Variants in TEX9 observed in about 807,000 individuals in gnomAD.
TEX9 encodes the protein testis expressed 9.
A neutral mutation model predicts 59.6 loss-of-function variants in TEX9; 74 were observed. The observed-to-expected ratio is 1.24, with a 90% CI of 1.03 to 1.51. The LOEUF is 1.51. TEX9 is among the 40% of genes most tolerant of loss of function. The probability of loss-of-function intolerance (pLI) is 0.00; values close to 1 mark genes in which losing one functional copy is unlikely to be tolerated. For synonymous variants in TEX9, 186 were observed against 152.2 expected (o/e 1.22, Z -1.64); for missense variants, 522 against 447.8 (o/e 1.17, Z -1.49).
chr15:56,342,893 T>C (rs564336469), intron 1 of TEX9, among the ~76,000 whole-genome samples: 2 of 152,298 alleles, frequency 1.3e-5, no homozygotes, highest in South Asian at 2.1e-4. Flanking sequence ...CCAAACATTG[T>C]TAGCCAGATG....
intron 1 of TEX9, among the ~76,000 whole-genome samples, chr15:56,324,667 A>T (rs1038151552): frequency 6.6e-6 from 1 of 152,210 alleles, no homozygotes; most frequent in African/African-American, 2.4e-5. Context: ...ACCCTTTGGA[A>T]TGGTGCTCTA....
chr15:56,383,993 A>G (rs1463466691), exon 4 of TEX9: 20 of 1,612,664 alleles, frequency 1.2e-5, no homozygotes, highest in Non-Finnish European at 1.5e-5. Flanking sequence ...TTTCAACACA[A>G]ATGAAATCAT....
At chr15:56,266,855 T>C (rs1452525501) in intron 1 of TEX9, among the ~76,000 whole-genome samples, 1 of 152,246 alleles carries the variant, frequency 6.6e-6, no homozygotes, top group East Asian at 1.9e-4. Flanking sequence ...AATGGATGGC[T>C]GGGTCAGATG....
chr15:56,431,058 G>A (rs1212465026), intron 12 of TEX9, among the ~76,000 whole-genome samples: 1 of 152,162 alleles, frequency 6.6e-6, no homozygotes, highest in Non-Finnish European at 1.5e-5. Context: ...CTACTCAGGA[G>A]GCTGAAGCAG....
chr15:56,304,980 A>G (rs776938847), intron 1 of TEX9, among the ~76,000 whole-genome samples: 12 of 152,314 alleles, frequency 7.9e-5, no homozygotes, highest in Admixed American at 2.6e-4. Flanking sequence ...GAGCATTTCT[A>G]TATGCCAACA....
At chr15:56,338,517 A>G (rs1567090973) in intron 1 of TEX9, among the ~76,000 whole-genome samples, 1 of 152,328 alleles carries the variant, frequency 6.6e-6, no homozygotes, top group East Asian at 1.9e-4. Flanking sequence ...TCCCTTGTAT[A>G]GTGGTGTAGG....
intron 1 of TEX9, among the ~76,000 whole-genome samples, chr15:56,276,578 T>A (rs1218112108): frequency 6.6e-6 from 1 of 152,202 alleles, no homozygotes; most frequent in African/African-American, 2.4e-5. Flanking sequence ...TAGTCTATCA[T>A]TGATGGGCAT....
chr15:56,443,762 C>A (rs753033368), intron 12 of TEX9: 2 of 1,613,214 alleles, frequency 1.2e-6, no homozygotes, highest in Non-Finnish European at 1.7e-6. Flanking sequence ...CATCTCCTCA[C>A]GTTTCTTTTT....
chr15:56,277,526 G>T (rs1275420888), intron 1 of TEX9, among the ~76,000 whole-genome samples: 1 of 152,100 alleles, frequency 6.6e-6, no homozygotes, highest in Non-Finnish European at 1.5e-5. Context: ...TTGTTCCGTT[G>T]GTCTATAGAT....
intron 1 of TEX9, among the ~76,000 whole-genome samples, chr15:56,290,444 G>T (rs1489455986): frequency 6.6e-6 from 1 of 151,784 alleles, no homozygotes; most frequent in Non-Finnish European, 1.5e-5. Flanking sequence ...TCATCAGCAA[G>T]CCCTGCCCCC....
At chr15:56,422,806 A>G (rs1482855378) in intron 10 of TEX9, among the ~76,000 whole-genome samples, 1 of 151,664 alleles carries the variant, frequency 6.6e-6, no homozygotes, top group African/African-American at 2.4e-5. Context: ...GCCACTCCCC[A>G]TTTCCACCTC....
intron 1 of TEX9, chr15:56,244,394 T>C (rs1211028559): frequency 6.6e-6 from 1 of 152,102 alleles, no homozygotes; most frequent in Non-Finnish European, 1.5e-5. Flanking sequence ...CTGGGTTGAG[T>C]GCTCCTCGGT....
intron 1 of TEX9, among the ~76,000 whole-genome samples, chr15:56,270,304 G>A (rs1474700613): frequency 2.0e-5 from 3 of 152,092 alleles, no homozygotes; most frequent in Non-Finnish European, 4.4e-5. Context: ...GGTCTCTCAG[G>A]ACTTGCTTTA....
At chr15:56,400,049 A>G (rs180685806) in intron 9 of TEX9, among the ~76,000 whole-genome samples, 43 of 152,356 alleles carry the variant, frequency 2.8e-4, no homozygotes, top group African/African-American at 1.0e-3. Flanking sequence ...AGAAAAGCTG[A>G]AAATTCTAAA....
intron 1 of TEX9, among the ~76,000 whole-genome samples, chr15:56,342,693 G>T (rs2141837271): frequency 6.6e-6 from 1 of 152,244 alleles, no homozygotes; most frequent in South Asian, 2.1e-4. Flanking sequence ...GAAAGGTTAT[G>T]TTGGACTGAA....
At chr15:56,348,904 C>G (rs1456719040) in intron 1 of TEX9, among the ~76,000 whole-genome samples, 2 of 145,868 alleles carry the variant, frequency 1.4e-5, no homozygotes. Flanking sequence ...CTCACAAGTC[C>G]CTGAGTTCAT....
At chr15:56,351,089 G>A (rs1411834734) in intron 1 of TEX9, among the ~76,000 whole-genome samples, 1 of 152,172 alleles carries the variant, frequency 6.6e-6, no homozygotes, top group Admixed American at 6.5e-5. Flanking sequence ...TCCGTGTCTT[G>A]AGGAAAAGAT....
At chr15:56,440,787 T>C (rs2050803654) in intron 12 of TEX9, among the ~76,000 whole-genome samples, 3 of 152,198 alleles carry the variant, frequency 2.0e-5, no homozygotes, top group Admixed American at 2.0e-4. Flanking sequence ...TAATTAAAGG[T>C]TTATCCATGT....
At chr15:56,304,787 A>G (rs1162498598) in intron 1 of TEX9, among the ~76,000 whole-genome samples, 3 of 152,044 alleles carry the variant, frequency 2.0e-5, no homozygotes, top group South Asian at 2.1e-4. Flanking sequence ...TGGTGGTGCA[A>G]TCATGGCTGA....
Sources: allele counts gnomAD v4.1 joint callset (sites outside exome capture counted in the v4.1 genomes callset), GRCh38; gene constraint gnomAD v4.1.1; transcripts MANE v1.5; gene names NCBI Gene and HGNC (gene_info 2026-07-23, HGNC 2026-07-21).